Variants in TMEM117 observed in about 807,000 individuals in gnomAD.
TMEM117 encodes the protein transmembrane protein 117.
TMEM117 carries 27 observed loss-of-function variants against 52.4 expected under a neutral mutation model. That is an observed-to-expected ratio of 0.51 (90% CI 0.38 to 0.71). The LOEUF is 0.71. Ranked by LOEUF, TMEM117 falls within the 30% of genes least tolerant of loss-of-function variation. TMEM117 has a pLI of 0.00. For missense variants in TMEM117, 556 were observed against 630.5 expected (o/e 0.88, Z 1.26); for synonymous variants, 215 against 206.3 (o/e 1.04, Z -0.36).
At chr12:44,324,420 CG>C (rs1184801655) in intron 6 of TMEM117, among the ~76,000 whole-genome samples, 3 of 152,086 alleles carry the variant, frequency 2.0e-5, no homozygotes, top group Admixed American at 2.0e-4. Flanking sequence ...GCTGTATTAA[CG>C]GAAGTGTCCA....
intron 3 of TMEM117, among the ~76,000 whole-genome samples, chr12:43,988,273 C>T (rs1365496547): frequency 6.7e-6 from 1 of 150,350 alleles, no homozygotes; most frequent in African/African-American, 2.4e-5. Flanking sequence ...TGCCTGGCAG[C>T]ATCTAGTAAA....
At chr12:44,070,525 G>A (rs1190895874) in intron 3 of TMEM117, among the ~76,000 whole-genome samples, 6 of 152,184 alleles carry the variant, frequency 3.9e-5, no homozygotes, top group Non-Finnish European at 7.3e-5. Flanking sequence ...CATGATACCT[G>A]TTGTGGTTTA....
chr12:43,872,212 A>G (rs1174437586), intron 2 of TMEM117, among the ~76,000 whole-genome samples: 1 of 152,210 alleles, frequency 6.6e-6, no homozygotes, highest in Non-Finnish European at 1.5e-5. Flanking sequence ...AAAGCACTCT[A>G]TCTTCAGAAC....
At chr12:44,016,625 C>A (rs1946377822) in intron 3 of TMEM117, among the ~76,000 whole-genome samples, 1 of 152,162 alleles carries the variant, frequency 6.6e-6, no homozygotes, top group South Asian at 2.1e-4. Context: ...TTAATTTGCC[C>A]TGATTTCTTG....
intron 4 of TMEM117, among the ~76,000 whole-genome samples, chr12:44,176,445 A>G (rs921411008): frequency 6.6e-6 from 1 of 152,214 alleles, no homozygotes; most frequent in Non-Finnish European, 1.5e-5. Context: ...AATCTCATGT[A>G]TAGAGATCCC....
At chr12:43,856,153 A>G (rs1009167357) in intron 2 of TMEM117, among the ~76,000 whole-genome samples, 1 of 152,178 alleles carries the variant, frequency 6.6e-6, no homozygotes, top group Non-Finnish European at 1.5e-5. Flanking sequence ...AGTGCTAAGG[A>G]CTTTTTTGGG....
chr12:44,142,983 T>C (rs1948591617), intron 3 of TMEM117, among the ~76,000 whole-genome samples: 1 of 152,216 alleles, frequency 6.6e-6, no homozygotes, highest in Non-Finnish European at 1.5e-5. Flanking sequence ...AGTAATAATT[T>C]AAATCACACA....
the TMEM117 span, among the ~76,000 whole-genome samples, chr12:43,808,893 G>T: frequency 1.7e-3 from 254 of 150,778 alleles, 1 homozygote; most frequent in African/African-American, 6.0e-3. Flanking sequence ...GAATTCAAGC[G>T]CAAGGTGACC....
At chr12:44,374,616 T>TTGTGTGTGTGTGTG (rs5742462) in intron 6 of TMEM117, among the ~76,000 whole-genome samples, 65 of 144,894 alleles carry the variant, frequency 4.5e-4, no homozygotes, top group African/African-American at 8.9e-4. Context: ...AAGGAACTAT[T>TTGTGTGTGTGTGTG]TGTGTGTGTG....
intron 3 of TMEM117, among the ~76,000 whole-genome samples, chr12:44,116,444 C>A (rs900898141): frequency 6.6e-6 from 1 of 151,232 alleles, no homozygotes; most frequent in African/African-American, 2.4e-5. Context: ...ATCTTTCTCT[C>A]AATCTCAGAT....
intron 3 of TMEM117, among the ~76,000 whole-genome samples, chr12:44,012,562 C>T (rs372031678): frequency 1.9e-4 from 28 of 151,332 alleles, no homozygotes; most frequent in South Asian, 6.3e-4. Flanking sequence ...ATAAAAGTTC[C>T]GATATTTTTT....
intron 3 of TMEM117, among the ~76,000 whole-genome samples, chr12:44,050,480 A>G (rs1429207808): frequency 6.6e-6 from 1 of 152,220 alleles, no homozygotes; most frequent in Non-Finnish European, 1.5e-5. Flanking sequence ...CCCGGCTAGA[A>G]TAGCAGAGAT....
intron 5 of TMEM117, among the ~76,000 whole-genome samples, chr12:44,259,691 G>C (rs1950299386): frequency 6.6e-6 from 1 of 152,042 alleles, no homozygotes; most frequent in Admixed American, 6.6e-5. Flanking sequence ...CATCCTTATT[G>C]TTATAATGAG....
chr12:44,255,893 A>G (rs1950254670), intron 5 of TMEM117, among the ~76,000 whole-genome samples: 1 of 152,090 alleles, frequency 6.6e-6, no homozygotes, highest in Non-Finnish European at 1.5e-5. Context: ...CATATTTCAG[A>G]AAGAGAATGT....
At chr12:44,269,526 C>G (rs1165632410) in intron 5 of TMEM117, among the ~76,000 whole-genome samples, 2 of 151,416 alleles carry the variant, frequency 1.3e-5, no homozygotes, top group Admixed American at 6.6e-5. Context: ...CTATTCTTAT[C>G]TTTAAATAAT....
intron 3 of TMEM117, among the ~76,000 whole-genome samples, chr12:43,960,122 A>G (rs1451403131): frequency 2.0e-5 from 3 of 152,236 alleles, no homozygotes; most frequent in Admixed American, 2.0e-4. Context: ...ACTCTTAATT[A>G]GGCTAAACAT....
chr12:43,907,436 C>G (rs964587233), intron 2 of TMEM117, among the ~76,000 whole-genome samples: 1 of 151,260 alleles, frequency 6.6e-6, no homozygotes. Context: ...AAAAGCGGAG[C>G]GCCTCTCCTC....
intron 5 of TMEM117, among the ~76,000 whole-genome samples, chr12:44,293,893 C>T (rs974185391): frequency 6.6e-6 from 1 of 152,086 alleles, no homozygotes; most frequent in African/African-American, 2.4e-5. Flanking sequence ...ACTAGGGAAT[C>T]TTATACATTC....
chr12:44,226,130 C>T (rs1263545722), intron 5 of TMEM117, among the ~76,000 whole-genome samples: 2 of 152,166 alleles, frequency 1.3e-5, no homozygotes, highest in Non-Finnish European at 1.5e-5. Flanking sequence ...CTGAGGAAAA[C>T]ATTTTCCCCC....
Sources: allele counts gnomAD v4.1 joint callset (sites outside exome capture counted in the v4.1 genomes callset), GRCh38; gene constraint gnomAD v4.1.1; transcripts MANE v1.5; gene names NCBI Gene and HGNC (gene_info 2026-07-23, HGNC 2026-07-21).